EFNA5: variants seen among roughly 807,000 people sequenced by gnomAD.
EFNA5 encodes the protein ephrin-A5.
EFNA5 carries 5 observed loss-of-function variants against 22.9 expected under a neutral mutation model. That is an observed-to-expected ratio of 0.22 (90% CI 0.11 to 0.46). The LOEUF (loss-of-function observed/expected upper bound fraction) is 0.46, where lower values mean the gene tolerates loss of function less well. EFNA5 is among the 20% of genes least tolerant of loss of function. EFNA5 has a pLI of 0.99. For missense variants in EFNA5, 237 were observed against 293.3 expected (o/e 0.81, Z 1.40); for synonymous variants, 113 against 112.2 (o/e 1.01, Z -0.04).
chr5:107,507,669 T>C (rs1747279588), intron 1 of EFNA5, among the ~76,000 whole-genome samples: 1 of 151,684 alleles, frequency 6.6e-6, no homozygotes, highest in South Asian at 2.1e-4. Context: ...AAACCTCATC[T>C]CCTAAAGATA....
intron 1 of EFNA5, among the ~76,000 whole-genome samples, chr5:107,587,490 T>A (rs981055877): frequency 1.3e-5 from 2 of 152,180 alleles, no homozygotes; most frequent in African/African-American, 4.8e-5. Flanking sequence ...GACATCAGTT[T>A]TCTCCTTGTT....
At chr5:107,585,279 GC>G (rs766059310) in intron 1 of EFNA5, among the ~76,000 whole-genome samples, 3 of 152,178 alleles carry the variant, frequency 2.0e-5, no homozygotes, top group Non-Finnish European at 4.4e-5. Context: ...AAAATACCAA[GC>G]CCAAGGACCC....
intron 2 of EFNA5, among the ~76,000 whole-genome samples, chr5:107,389,690 C>T (rs1213868903): frequency 6.6e-6 from 1 of 152,116 alleles, no homozygotes; most frequent in Non-Finnish European, 1.5e-5. Context: ...TATTGTAGGG[C>T]ACATGGCAAT....
intron 1 of EFNA5, among the ~76,000 whole-genome samples, chr5:107,512,980 A>G (rs556546120): frequency 6.6e-6 from 1 of 152,094 alleles, no homozygotes; most frequent in East Asian, 1.9e-4. Context: ...GGACTGTACT[A>G]CTCTTAGTAG....
intron 1 of EFNA5, among the ~76,000 whole-genome samples, chr5:107,605,353 G>A (rs1179430168): frequency 1.3e-5 from 2 of 152,154 alleles, no homozygotes; most frequent in Non-Finnish European, 1.5e-5. Flanking sequence ...TACCTGGCAA[G>A]AGAATGAGGT....
At chr5:107,600,622 G>T (rs1199658177) in intron 1 of EFNA5, among the ~76,000 whole-genome samples, 1 of 151,934 alleles carries the variant, frequency 6.6e-6, no homozygotes, top group Non-Finnish European at 1.5e-5. Context: ...GAGTAGCTGG[G>T]ATTACAGGCA....
At chr5:107,528,187 G>A (rs1255828010) in intron 1 of EFNA5, among the ~76,000 whole-genome samples, 1 of 152,140 alleles carries the variant, frequency 6.6e-6, no homozygotes, top group Non-Finnish European at 1.5e-5. Flanking sequence ...TCACCAGGCT[G>A]CTGTGACAAC....
chr5:107,495,119 C>T (rs1163682442), intron 1 of EFNA5, among the ~76,000 whole-genome samples: 1 of 152,158 alleles, frequency 6.6e-6, no homozygotes, highest in African/African-American at 2.4e-5. Context: ...CGCTCAGGTC[C>T]CCTTCCACGC....
At chr5:107,402,949 G>C (rs921182426) in intron 2 of EFNA5, among the ~76,000 whole-genome samples, 7 of 152,170 alleles carry the variant, frequency 4.6e-5, no homozygotes, top group African/African-American at 1.4e-4. Flanking sequence ...GTAGGCTACT[G>C]CAAATAAAAC....
At chr5:107,498,463 T>A (rs1490299463) in intron 1 of EFNA5, among the ~76,000 whole-genome samples, 1 of 152,210 alleles carries the variant, frequency 6.6e-6, no homozygotes, top group African/African-American at 2.4e-5. Context: ...ACTTACTTTC[T>A]ACTCCCCTGG....
intron 1 of EFNA5, among the ~76,000 whole-genome samples, chr5:107,521,079 T>A (rs1231464132): frequency 2.6e-5 from 4 of 152,160 alleles, no homozygotes; most frequent in African/African-American, 9.7e-5. Context: ...TGACTTATGA[T>A]TGGCTTATTT....
At chr5:107,558,211 G>C (rs1014521232) in intron 1 of EFNA5, among the ~76,000 whole-genome samples, 2 of 151,610 alleles carry the variant, frequency 1.3e-5, no homozygotes, top group Non-Finnish European at 2.9e-5. Context: ...TAAAACTCAA[G>C]TTTTAACCCC....
In EFNA5 at chr5:107,577,342, T is replaced by C. The variant is rs551067773; in HGVS notation, c.125+93147A>G. Among the ~76,000 whole-genome samples, 19 of 152,220 alleles carry C rather than the reference T, an allele frequency of 1.2e-4. No individual in the cohort carries two copies. The South Asian group carries it at 3.1e-3, about 25-fold the overall frequency. On this transcript the variant is annotated intron_variant, in intron 1 of 4. Coordinates refer to ENST00000333274, the MANE Select transcript of EFNA5 (RefSeq NM_001962.3). The stretch of plus-strand genomic sequence containing the variant: ...TTTCTCGGTTGGGCTGTTTTGTCTG[T>C]GAATAGCATTTCATAGTTTCTGTGA...
intron 1 of EFNA5, among the ~76,000 whole-genome samples, chr5:107,641,457 A>G (rs552828645): frequency 1.3e-3 from 192 of 152,256 alleles, no homozygotes; most frequent in African/African-American, 4.3e-3. Flanking sequence ...CAGTGCTTAT[A>G]ATTTTCTGAT....
At chr5:107,549,886 C>T (rs7702709) in intron 1 of EFNA5, among the ~76,000 whole-genome samples, 4,498 of 152,314 alleles carry the variant, frequency 0.03, 204 homozygotes, top group African/African-American at 0.1. Flanking sequence ...TTGCCTGACC[C>T]ATGCAGAAAT....
In EFNA5 at chr5:107,395,034, C is replaced by CTTTTTTTTTTTTTTTTTTTTT. The variant is rs58619326; in HGVS notation, c.419-7264_419-7263insAAAAAAAAAAAAAAAAAAAAA. On this transcript the variant is annotated intron_variant, in intron 2 of 4. Transcript: ENST00000333274. Reference sequence around the variant, plus strand: ...CCCCTTATAAGAAGGATTTCTAGTTCTTTTTTTTTTTTTTTTTTCCGCGAG... The same window carrying CTTTTTTTTTTTTTTTTTTTTT: ...CCCCTTATAAGAAGGATTTCTAGTTCTTTTTTTTTTTTTTTTTTTTTTTTTTTTTTTTTTTTTTTCCGCGAG... 5.8e-5 allele frequency among the ~76,000 whole-genome samples: 5 copies of CTTTTTTTTTTTTTTTTTTTTT among 86,128 alleles called. 1 individual carries two copies. Among genetic ancestry groups the CTTTTTTTTTTTTTTTTTTTTT allele is most frequent in the Admixed American group, 1.7e-4 (1 of 5,994 alleles). The allele number at this position is 86,128 out of a possible 152,430, so 56.5% of individuals were successfully genotyped here. A position where few individuals can be genotyped will look rare whatever the true frequency, so the allele number is the denominator to read the frequency against.
At chr5:107,454,555 A>T (rs1749643386) in intron 1 of EFNA5, among the ~76,000 whole-genome samples, 1 of 152,132 alleles carries the variant, frequency 6.6e-6, no homozygotes, top group Admixed American at 6.6e-5. Flanking sequence ...TTATTCCTAC[A>T]TTAGAAAATT....
intron 1 of EFNA5, among the ~76,000 whole-genome samples, chr5:107,439,489 TA>T: frequency 6.6e-6 from 1 of 152,198 alleles, no homozygotes; most frequent in South Asian, 2.1e-4. Flanking sequence ...ACTTCAGATG[TA>T]TATAAACATC....
chr5:107,545,136 G>A (rs115236393), intron 1 of EFNA5, among the ~76,000 whole-genome samples: 2,022 of 152,284 alleles, frequency 0.013, 20 homozygotes, highest in Non-Finnish European at 0.02. Context: ...GTCACACATC[G>A]AACCTTTACT....
Sources: gnomAD v4.1 joint callset for allele counts (sites outside exome capture counted in the v4.1 genomes callset) on GRCh38, gnomAD v4.1.1 for gene constraint, MANE v1.5 for transcripts, NCBI Gene and HGNC (gene_info 2026-07-23, HGNC 2026-07-21) for gene names.